The following CELF2 variants were observed in gnomAD, a reference collection of about 807,000 sequenced individuals.
CELF2 encodes the protein CUGBP Elav-like family member 2.
In CELF2, 8 loss-of-function variants were observed where a neutral mutation model predicts 62.6. That is an observed-to-expected ratio of 0.13 (90% CI 0.07 to 0.23). The LOEUF is 0.23. CELF2 is among the 10% of genes least tolerant of loss of function. CELF2 has a pLI of 1.00. For synonymous variants in CELF2, 258 were observed against 250.0 expected (o/e 1.03, Z -0.30); for missense variants, 333 against 671.0 (o/e 0.50, Z 5.56).
In CELF2 at chr10:10,990,007, C is replaced by G. The variant is rs1167874838; in HGVS notation, c.89+70008C>G. Among the ~76,000 whole-genome samples, 1 of 152,062 alleles carries G rather than the reference C, an allele frequency of 6.6e-6. No individual in the cohort carries two copies. Among genetic ancestry groups the G allele is most frequent in the Admixed American group, 6.6e-5 (1 of 15,248 alleles). On this transcript the variant is annotated intron_variant, in intron 2 of 13. Coordinates refer to the CELF2 transcript ENST00000636488. This position sits in a 1 kb window ranked among gnomAD's most constrained non-coding sequence, Gnocchi z 4.6. ...GCCACTCTTGTATATGGGGGAATGTCCATTGCAAATCTGCAAAGCAATTTA... is the reference window on the plus strand; with the variant it reads ...GCCACTCTTGTATATGGGGGAATGTGCATTGCAAATCTGCAAAGCAATTTA...
At chr10:10,840,248 A>G (rs1169540272) in intron 1 of CELF2, among the ~76,000 whole-genome samples, 1 of 152,234 alleles carries the variant, frequency 6.6e-6, no homozygotes, top group Non-Finnish European at 1.5e-5. Flanking sequence ...GCTGCAGCAT[A>G]AGTGAAGACT....
At chr10:10,542,615 G>T in the CELF2 span, among the ~76,000 whole-genome samples, 6 of 152,134 alleles carry the variant, frequency 3.9e-5, no homozygotes, top group African/African-American at 1.2e-4. Flanking sequence ...AACTAGAGGG[G>T]GTAATTCCTG....
chr10:10,614,011 GA>G, the CELF2 span, among the ~76,000 whole-genome samples: 151 of 152,230 alleles, frequency 9.9e-4, no homozygotes, highest in African/African-American at 3.5e-3. Flanking sequence ...AGCAAGTGTA[GA>G]ATAAAGAGGT....
chr10:10,712,047 T>C, the CELF2 span, among the ~76,000 whole-genome samples: 4 of 150,996 alleles, frequency 2.6e-5, no homozygotes, highest in South Asian at 2.1e-4. Context: ...TATAGAATAG[T>C]TTGGGAGCCA....
chr10:10,796,198 C>G (rs900056919), upstream of CELF2, among the ~76,000 whole-genome samples: 1 of 152,194 alleles, frequency 6.6e-6, no homozygotes, highest in African/African-American at 2.4e-5. Context: ...TCCTTAATTT[C>G]TCCACACCCA....
intron 1 of CELF2, among the ~76,000 whole-genome samples, chr10:11,140,708 A>T (rs764966034): frequency 3.9e-5 from 6 of 152,206 alleles, no homozygotes; most frequent in Non-Finnish European, 7.3e-5. Flanking sequence ...GGATAGTGCC[A>T]GTCACTTATT....
At chr10:10,595,821 AG>A in the CELF2 span, among the ~76,000 whole-genome samples, 1 of 152,120 alleles carries the variant, frequency 6.6e-6, no homozygotes, top group African/African-American at 2.4e-5. Flanking sequence ...GCTTGAGCCC[AG>A]GGGGTGGAGG....
chr10:11,166,736 A>G (rs1373798739), intron 2 of CELF2, among the ~76,000 whole-genome samples: 1 of 152,176 alleles, frequency 6.6e-6, no homozygotes, highest in Non-Finnish European at 1.5e-5. Flanking sequence ...TTGTGTATAC[A>G]CTTCGGTTGG....
intron 1 of CELF2, among the ~76,000 whole-genome samples, chr10:11,144,900 G>GAAAAA (rs397846995): frequency 5.9e-4 from 44 of 74,090 alleles, no homozygotes; most frequent in African/African-American, 1.9e-3. Context: ...TCAGGAAACA[G>GAAAAA]AAAAAAAAAA....
the CELF2 span, among the ~76,000 whole-genome samples, chr10:10,759,114 C>T: frequency 6.6e-6 from 1 of 152,016 alleles, no homozygotes; most frequent in South Asian, 2.1e-4. Flanking sequence ...CCATCCATTC[C>T]GTGGACCTAA....
chr10:11,120,225 G>A (rs2057449542), intron 1 of CELF2, among the ~76,000 whole-genome samples: 1 of 152,106 alleles, frequency 6.6e-6, no homozygotes, highest in Non-Finnish European at 1.5e-5. Flanking sequence ...TGCATATTTA[G>A]CTCTTAATTT....
At chr10:10,814,862 T>G (rs953191399) in intron 1 of CELF2, among the ~76,000 whole-genome samples, 1 of 152,182 alleles carries the variant, frequency 6.6e-6, no homozygotes, top group Non-Finnish European at 1.5e-5. Flanking sequence ...AGGCTTTCAG[T>G]ATGCCTGAAA....
Position 10,835,625 on chromosome 10 carries a change from C to T in CELF2, c.53+36808C>T, listed in dbSNP as rs576637726. Among the ~76,000 whole-genome samples, 5 of 152,202 alleles carry T rather than the reference C, an allele frequency of 3.3e-5. No homozygotes were observed. In the South Asian group the frequency reaches 1.0e-3, roughly 32 times the overall value. ...CTCAAACTCCTGACCTCAGGTGATCCACCCCCTTCAGCCTCCTATAGTGCT... is the reference window on the plus strand; with the variant it reads ...CTCAAACTCCTGACCTCAGGTGATCTACCCCCTTCAGCCTCCTATAGTGCT... On this transcript the variant is annotated intron_variant, in intron 1 of 13. Transcript: ENST00000636488.
chr10:10,967,669 C>T (rs1224943839), intron 2 of CELF2, among the ~76,000 whole-genome samples: 6 of 152,246 alleles, frequency 3.9e-5, no homozygotes, highest in East Asian at 3.9e-4. Flanking sequence ...TCGGGCTGAA[C>T]GGGCCTGCCT....
At chr10:11,126,583 G>A (rs1354058413) in intron 1 of CELF2, among the ~76,000 whole-genome samples, 1 of 152,106 alleles carries the variant, frequency 6.6e-6, no homozygotes, top group Middle Eastern at 3.2e-3. Flanking sequence ...TGCCTTTCCC[G>A]TGGTTCACTC....
the CELF2 span, among the ~76,000 whole-genome samples, chr10:10,485,558 G>T: frequency 6.6e-6 from 1 of 152,210 alleles, no homozygotes. Context: ...TGAGGAAAAT[G>T]GTGTCATTCC....
intron 1 of CELF2, among the ~76,000 whole-genome samples, chr10:10,914,376 G>A (rs2064128992): frequency 6.6e-6 from 1 of 152,170 alleles, no homozygotes; most frequent in African/African-American, 2.4e-5. Context: ...AACGGGGAAG[G>A]ACAGGAGATG....
chr10:11,099,878 CAACAACAA>C (rs755285986), intron 1 of CELF2, among the ~76,000 whole-genome samples: 2 of 102,940 alleles, frequency 1.9e-5, no homozygotes, highest in South Asian at 6.1e-4. Context: ...AAAACAACAA[CAACAACAA>C]AAAAAAAAAA....
the CELF2 span, among the ~76,000 whole-genome samples, chr10:10,553,420 T>C: frequency 6.6e-6 from 1 of 152,174 alleles, no homozygotes; most frequent in Non-Finnish European, 1.5e-5. Flanking sequence ...TCCCTCTTCC[T>C]GACCTCATTT....
Sources: allele counts gnomAD v4.1 joint callset (sites outside exome capture counted in the v4.1 genomes callset), GRCh38; gene constraint gnomAD v4.1.1; non-coding constraint Gnocchi (gnomAD v3.1); transcripts MANE v1.5; gene names NCBI Gene and HGNC (gene_info 2026-07-23, HGNC 2026-07-21).